SLC19A1: variants seen among roughly 807,000 people sequenced by gnomAD.
SLC19A1 encodes reduced folate transporter.
A neutral mutation model predicts 35.3 loss-of-function variants in SLC19A1; 37 were observed. The ratio of observed to expected loss-of-function variants is 1.05; its 90% CI spans 0.81 to 1.38. SLC19A1 has a LOEUF of 1.38. SLC19A1 is among the 40% of genes most tolerant of loss of function. SLC19A1 has a pLI of 0.00. For missense variants in SLC19A1, 831 were observed against 826.9 expected (o/e 1.00, Z -0.06); for synonymous variants, 460 against 398.5 (o/e 1.15, Z -1.84).
rs1242331686 is a variant in SLC19A1 at position 45,530,331 on chromosome 21, G to A, written c.1151+439C>T. On this transcript the variant is annotated intron_variant, in intron 4 of 5. Coordinates refer to ENST00000311124, the MANE Select transcript of SLC19A1 (RefSeq NM_194255.4). The surrounding 1 kb of genome is among the most constrained non-coding windows in gnomAD (Gnocchi z 5.3). ...ATGTGTTCATGAGTGTGTGGTGAGT[G>A]TCCATCTGTGCGCATGTGGTGTGTT... is the stretch of plus-strand genomic sequence containing the variant. Among the ~76,000 whole-genome samples, 1 of 141,128 alleles carries A rather than the reference G, an allele frequency of 7.1e-6. No homozygotes were observed. The highest frequency in any genetic ancestry group is 2.7e-5 in the African/African-American group (1 of 37,636). The allele number at this position is 141,128 out of a possible 152,430, so 92.6% of individuals were successfully genotyped here.
Position 45,513,955 on chromosome 21 carries a change from C to T in SLC19A1, c.*1703G>A, listed in dbSNP as rs1167574418. 4 of 152,294 alleles carry T rather than the reference C, an allele frequency of 2.6e-5. No individual in the cohort carries two copies. Among genetic ancestry groups the T allele is most frequent in the African/African-American group, 7.2e-5 (3 of 41,448 alleles). 9.4% of individuals were successfully genotyped at this position (152,294 alleles called of 1,614,324 possible). ...ACAGGCATGCACGGGTGTGTGGACACACACCAACACTCTTAGGTCTCTCCT... is the reference window on the plus strand; with the variant it reads ...ACAGGCATGCACGGGTGTGTGGACATACACCAACACTCTTAGGTCTCTCCT... On this transcript the variant is annotated 3_prime_UTR_variant, in exon 6 of 6. Transcript: ENST00000311124.
chr21:45,508,097 TGGATGGTGGTCAGGCGGGTGAGTGGAC>T (rs374016499), downstream of SLC19A1, among the ~76,000 whole-genome samples: 25 of 134,832 alleles, frequency 1.9e-4, no homozygotes, highest in African/African-American at 6.7e-4. Context: ...GGTGAGTGGA[TGGATGGTGGTCAGGCGGGTGAGTGGAC>T]GGGTGGGTGG....
At chr21:45,532,201 G>A (rs1180857157) in intron 2 of SLC19A1, 53 bp from the exon 3 acceptor site, 11 of 1,460,244 alleles carry the variant, frequency 7.5e-6, no homozygotes, top group Non-Finnish European at 9.3e-6. Context: ...CTGCCGCTGC[G>A]GCAGACACAG....
At position 45,550,016 on chromosome 21, in the gene SLC19A1, G is replaced by A. The variant is rs1276962090; in HGVS notation, c.-49-12008C>T. On this transcript the variant is annotated intron_variant, in intron 1 of 5. Transcript: ENST00000650808. ...AGCCCCGAACTCTCTGGCATCTTGG[G>A]AACTGTCTCTCCCCGGCCAGGCTGG... Among the ~76,000 whole-genome samples, 3 of 152,062 alleles carry A rather than the reference G, an allele frequency of 2.0e-5. No individual in the cohort carries two copies. The East Asian group carries it at 5.8e-4, about 29-fold the overall frequency.
rs2037782341 is a variant in SLC19A1 at position 45,514,464 on chromosome 21, C to G, written c.*1194G>C. 6.6e-6 allele frequency: 1 copy of G among 152,128 alleles called. No homozygotes were observed. Among genetic ancestry groups the G allele is most frequent in the Non-Finnish European group, 1.5e-5 (1 of 68,408 alleles). 9.4% of individuals were successfully genotyped at this position (152,128 alleles called of 1,614,324 possible). A position where few individuals can be genotyped will look rare whatever the true frequency, so the allele number is the denominator to read the frequency against. On this transcript the variant is annotated 3_prime_UTR_variant, in exon 6 of 6. Coordinates refer to ENST00000311124, the MANE Select transcript of SLC19A1 (RefSeq NM_194255.4). ...TCCAGCAGCTCCAGCAGCCCCTCCC[C>G]AGCCAGAGATTCTCTCCCCAGCTCT... is the stretch of plus-strand genomic sequence containing the variant.
In SLC19A1 at chr21:45,532,137, C is replaced by G. The variant is rs1273706816; in HGVS notation, c.201G>C (p.Glu67Asp). Residue 67 changes from glutamate to aspartate, a missense_variant, in exon 3 of 6, where the codon GAG becomes GAC. Physicochemically the swap from Glu to Asp is conservative, Grantham distance 45. Transcript: ENST00000311124. The stretch of plus-strand genomic sequence containing the variant: ...AGGAGTACGACAGCACCGGCGTGAT[C>G]TCGTTCGTGACCTGCGGACAGGCGG... Reference protein sequence around the residue: ...KNFTREQVTNEITPVLSYSYL... With the variant: ...KNFTREQVTNDITPVLSYSYL... 4 of 1,599,428 alleles carry G rather than the reference C, an allele frequency of 2.5e-6. No homozygotes were observed. The South Asian group carries it at 3.3e-5, about 13-fold the overall frequency.
At position 45,533,646 on chromosome 21, in the gene SLC19A1, G is replaced by A. The variant is rs577524734; in HGVS notation, c.190-1498C>T. Reference sequence around the variant, plus strand: ...CCAGCAGGGCCCTGCTGGACTCTGGGCCTCCAGCAGGCCCCACCCGACTCA... The same window carrying A: ...CCAGCAGGGCCCTGCTGGACTCTGGACCTCCAGCAGGCCCCACCCGACTCA... On this transcript the variant is annotated intron_variant, in intron 2 of 5. Coordinates refer to ENST00000311124, the MANE Select transcript of SLC19A1 (RefSeq NM_194255.4). This position sits in a 1 kb window ranked among gnomAD's most constrained non-coding sequence, Gnocchi z 4.5. 3.4e-4 allele frequency among the ~76,000 whole-genome samples: 51 copies of A among 151,650 alleles called. No individual in the cohort carries two copies. Among genetic ancestry groups the A allele is most frequent in the Non-Finnish European group, 6.3e-4 (43 of 67,766 alleles).
At position 45,550,100 on chromosome 21, in the gene SLC19A1, C is replaced by T. The variant is rs187706265; in HGVS notation, c.-49-12092G>A. 5.3e-5 allele frequency among the ~76,000 whole-genome samples: 8 copies of T among 152,176 alleles called. No homozygotes were observed. The South Asian group carries it at 6.2e-4, about 12-fold the overall frequency. On this transcript the variant is annotated intron_variant, in intron 1 of 5. Transcript: ENST00000650808. The stretch of plus-strand genomic sequence containing the variant: ...GACAGTGGGGGTCAGTGTGGGGTAC[C>T]GCCCACCCCATCCCAGCCCCTCCTG...
downstream of SLC19A1, chr21:45,509,976 A>C (rs1237579103): frequency 2.1e-6 from 3 of 1,442,896 alleles, no homozygotes; most frequent in Non-Finnish European, 2.8e-6. Context: ...GCCTGTCCAC[A>C]CAGGTGCGGG....
intron 5 of SLC19A1, among the ~76,000 whole-genome samples, chr21:45,518,024 A>G (rs1479635536): frequency 6.6e-6 from 1 of 152,236 alleles, no homozygotes; most frequent in Non-Finnish European, 1.5e-5. Flanking sequence ...TCAAACTGAA[A>G]AACAATTAAT....
chr21:45,527,529 C>T (rs1428656615), intron 4 of SLC19A1, among the ~76,000 whole-genome samples: 44 of 135,094 alleles, frequency 3.3e-4, no homozygotes, highest in African/African-American at 1.0e-3. Context: ...CCGGGCAGGG[C>T]GGGCCCTGGA....
chr21:45,510,177 C>T (rs114276639), downstream of SLC19A1: 3,999 of 1,596,930 alleles, frequency 2.5e-3, 91 homozygotes, highest in African/African-American at 0.047. Context: ...GCACCTTCCG[C>T]GCCTTCCTGT....
chr21:45,515,454 G>A lies in SLC19A1; in HGVS notation c.*204C>T, dbSNP rs777666376. On this transcript the variant is annotated 3_prime_UTR_variant, in exon 6 of 6. Transcript: ENST00000311124. ...CAAAGCCCGCGGGGCACAGTGCAGG[G>A]ACAGCATGGCCAGGCAGCTGCCCTG... 8.1e-6 allele frequency: 12 copies of A among 1,478,500 alleles called. No individual in the cohort carries two copies. Among genetic ancestry groups the A allele is most frequent in the Non-Finnish European group, 1.1e-5 (12 of 1,126,410 alleles). 91.6% of individuals were successfully genotyped at this position (1,478,500 alleles called of 1,614,324 possible). A position where few individuals can be genotyped will look rare whatever the true frequency, so the allele number is the denominator to read the frequency against.
chr21:45,543,437 G>A (rs1207021042), upstream of SLC19A1, among the ~76,000 whole-genome samples: 4 of 152,342 alleles, frequency 2.6e-5, no homozygotes, highest in East Asian at 3.9e-4. Flanking sequence ...TCAAGAGTGC[G>A]GGTCCCAGGC....
At chr21:45,503,126 G>A (rs1397975862) in intron 3 of SLC19A1, among the ~76,000 whole-genome samples, 1 of 152,160 alleles carries the variant, frequency 6.6e-6, no homozygotes, top group Non-Finnish European at 1.5e-5. Flanking sequence ...TCTAGTTCTA[G>A]ATCCCTGAGG....
At position 45,525,971 on chromosome 21, in the gene SLC19A1, A is replaced by C. The variant is rs749487702; in HGVS notation, c.1152-13T>G. On this transcript the variant is annotated splice_polypyrimidine_tract_variant and intron_variant, in intron 4 of 5. Coordinates refer to ENST00000311124, the MANE Select transcript of SLC19A1 (RefSeq NM_194255.4). ...TGCAATCTGAAAGCTGAACGGGAAG[A>C]GCGGGCAGATCAGGCGCTGCTGGGA... The C allele has an allele frequency of 1.7e-5, 28 of 1,612,204 alleles. No individual in the cohort carries two copies. In the South Asian group the frequency reaches 3.1e-4, roughly 18 times the overall value.
At chr21:45,504,161 A>C (rs1267490171) in intron 3 of SLC19A1, 1 of 1,308,600 alleles carries the variant, frequency 7.6e-7, no homozygotes, top group Admixed American at 1.7e-5. Flanking sequence ...CTTCCTGTTC[A>C]GCCCTGCGAG....
At chr21:45,525,736 T>A in intron 5 of SLC19A1, 81 bp downstream of exon 5, 6 of 1,509,750 alleles carry the variant, frequency 4.0e-6, no homozygotes, top group South Asian at 2.4e-5. Flanking sequence ...GGGCTCCACA[T>A]CAGGCGGGCA....
chr21:45,503,702 G>A (rs2036999565), intron 3 of SLC19A1, among the ~76,000 whole-genome samples: 3 of 150,602 alleles, frequency 2.0e-5, no homozygotes, highest in Admixed American at 2.0e-4. Context: ...CGAGTTAGTG[G>A]GTGCAGCACA....
Sources: gnomAD v4.1 joint callset for allele counts (sites outside exome capture counted in the v4.1 genomes callset) on GRCh38, gnomAD v4.1.1 for gene constraint, Gnocchi (gnomAD v3.1) non-coding constraint, MANE v1.5 for transcripts, NCBI Gene and HGNC (gene_info 2026-07-23, HGNC 2026-07-21) for gene names.